HIVEP3: variants seen among roughly 807,000 people sequenced by gnomAD.
The protein encoded by HIVEP3 is transcription factor HIVEP3.
A neutral mutation model predicts 152.8 loss-of-function variants in HIVEP3; 49 were observed. The ratio of observed to expected loss-of-function variants is 0.32; its 90% CI spans 0.26 to 0.41. HIVEP3 has a LOEUF of 0.41. Ranked by LOEUF, HIVEP3 falls within the 10% of genes least tolerant of loss-of-function variation. HIVEP3 has a pLI of 1.00. For synonymous variants in HIVEP3, 1,269 were observed against 1,289.0 expected (o/e 0.98, Z 0.33); for missense variants, 2,790 against 3,103.3 (o/e 0.90, Z 2.40).
chr1:41,609,775 G>A (rs1167333698), intron 3 of HIVEP3, among the ~76,000 whole-genome samples: 1 of 152,216 alleles, frequency 6.6e-6, no homozygotes, highest in Non-Finnish European at 1.5e-5. Context: ...TTCCCTCCTA[G>A]ACATGTGGCA....
chr1:41,840,045 G>A (rs1643240906), intron 1 of HIVEP3, among the ~76,000 whole-genome samples: 1 of 152,096 alleles, frequency 6.6e-6, no homozygotes, highest in African/African-American at 2.4e-5. Context: ...CAGGAAGATC[G>A]ACTGCACAGT....
intron 1 of HIVEP3, among the ~76,000 whole-genome samples, chr1:41,883,696 A>G: frequency 6.6e-6 from 1 of 152,112 alleles, no homozygotes. Flanking sequence ...GCAGAATGTG[A>G]TAGCAAGTTG....
intron 5 of HIVEP3, among the ~76,000 whole-genome samples, chr1:41,530,214 T>TG (rs1643204360): frequency 1.3e-5 from 2 of 152,176 alleles, no homozygotes; most frequent in South Asian, 4.1e-4. Context: ...GTGTCCCCAG[T>TG]GGGGGTCACC....
intron 1 of HIVEP3, among the ~76,000 whole-genome samples, chr1:41,981,359 A>G (rs1645292562): frequency 6.6e-6 from 1 of 152,192 alleles, no homozygotes; most frequent in South Asian, 2.1e-4. Context: ...CGGAGCTGGG[A>G]AGCAAACGGG....
At position 41,958,186 on chromosome 1, in the gene HIVEP3, C is replaced by T. The variant is rs531682216; in HGVS notation, n.120-39662G>A. ...CGGCAGCTCCCGGCTGCAATACAAG[C>T]AGCCTTGCCATTTGGGCCACGTGAC... On this transcript the variant is annotated intron_variant and non_coding_transcript_variant, in intron 1 of 3. Coordinates refer to the HIVEP3 transcript ENST00000489103. Among the ~76,000 whole-genome samples, 5 of 152,326 alleles carry T rather than the reference C, an allele frequency of 3.3e-5. 1 individual carries two copies. The highest frequency in any genetic ancestry group is 9.6e-5 in the African/African-American group (4 of 41,582).
intron 1 of HIVEP3, among the ~76,000 whole-genome samples, chr1:41,965,048 C>A (rs1214479885): frequency 6.6e-6 from 1 of 152,228 alleles, no homozygotes; most frequent in Non-Finnish European, 1.5e-5. Flanking sequence ...TGGGATGGAG[C>A]TCCCAGGGGA....
At chr1:41,733,269 G>A (rs920816233) in intron 1 of HIVEP3, among the ~76,000 whole-genome samples, 6 of 152,200 alleles carry the variant, frequency 3.9e-5, no homozygotes, top group African/African-American at 1.4e-4. Flanking sequence ...GCAGAGCCAA[G>A]GGATGGGATG....
chr1:41,644,703 T>C (rs1041743156), intron 2 of HIVEP3, among the ~76,000 whole-genome samples: 2 of 146,344 alleles, frequency 1.4e-5, no homozygotes, highest in Admixed American at 6.8e-5. Flanking sequence ...CTTTTTTTTT[T>C]TTTTTTTTTT....
intron 3 of HIVEP3, 93 bp from the exon 4 acceptor site, chr1:41,585,411 C>T (rs1032947036): frequency 1.3e-5 from 5 of 398,430 alleles, no homozygotes; most frequent in African/African-American, 1.0e-4. Flanking sequence ...GCAGCCCAGA[C>T]TCGGTGCCAC....
rs1187825667 is a variant in HIVEP3, at chr1:41,662,267, C to T, written c.-720-33320G>A. On this transcript the variant is annotated intron_variant, in intron 2 of 8. Transcript: ENST00000372583. The surrounding 1 kb of genome is among the most constrained non-coding windows in gnomAD (Gnocchi z 7.2). ...TCGGCTCCGCCCGGCTCGGCTCCGCCCGGCGGTGCCCCAGGCGCTCGCTGG... is the reference window on the plus strand; with the variant it reads ...TCGGCTCCGCCCGGCTCGGCTCCGCTCGGCGGTGCCCCAGGCGCTCGCTGG... 2.7e-5 allele frequency: 4 copies of T among 145,828 alleles called. No homozygotes were observed. Among genetic ancestry groups the T allele is most frequent in the Admixed American group, 6.8e-5 (1 of 14,698 alleles). 9.0% of individuals were successfully genotyped at this position (145,828 alleles called of 1,614,324 possible).
At chr1:41,684,229 C>G (rs148202798) in intron 2 of HIVEP3, among the ~76,000 whole-genome samples, 261 of 152,266 alleles carry the variant, frequency 1.7e-3, no homozygotes, top group Middle Eastern at 3.4e-3. Context: ...GCGAGACAAG[C>G]AGCAGAGGAA....
At position 41,583,070 on chromosome 1, in the gene HIVEP3, G is replaced by C. The variant is rs1175019976; in HGVS notation, c.1728C>G (p.Ser576Arg). The change falls in exon 4 of 9, where the codon AGC becomes AGG. Residue 576 changes from serine (S) to arginine (R), a missense_variant. Transcript: ENST00000372583. The surrounding 1 kb of genome is among the most constrained non-coding windows in gnomAD (Gnocchi z 6.9). ...HITDSEALSH[S>R]SHVFTSHPRM... ...GGGGGTGGGAGGTAAACACGTGACT[G>C]CTGTGGCTCAGGGCTTCGGAGTCGG... The C allele has an allele frequency of 6.2e-7, 1 of 1,613,900 alleles. No homozygotes were observed. Among genetic ancestry groups the C allele is most frequent in the Non-Finnish European group, 8.5e-7 (1 of 1,179,906 alleles).
intron 1 of HIVEP3, among the ~76,000 whole-genome samples, chr1:41,782,731 CA>C (rs10714772): frequency 0.41 from 45,939 of 113,278 alleles, 7,806 homozygotes; most frequent in Admixed American, 0.52. Flanking sequence ...GACTCCATCT[CA>C]AAAAAAAAAA....
At chr1:41,576,943 G>A (rs1258136008) in intron 4 of HIVEP3, among the ~76,000 whole-genome samples, 2 of 152,206 alleles carry the variant, frequency 1.3e-5, no homozygotes, top group Non-Finnish European at 2.9e-5. Context: ...TGCTGCTTTG[G>A]CAGAAGGCAG....
chr1:41,862,815 T>C (rs1388300728), intron 1 of HIVEP3, among the ~76,000 whole-genome samples: 2 of 152,234 alleles, frequency 1.3e-5, no homozygotes, highest in African/African-American at 4.8e-5. Flanking sequence ...AAACAAGGGA[T>C]ATCATCACTG....
chr1:41,624,028 T>G (rs1645081973), intron 3 of HIVEP3, among the ~76,000 whole-genome samples: 1 of 152,204 alleles, frequency 6.6e-6, no homozygotes, highest in South Asian at 2.1e-4. Context: ...GGAGCTGAGT[T>G]TGCTCATCAA....
At chr1:41,585,983 T>A (rs1377684121) in intron 3 of HIVEP3, among the ~76,000 whole-genome samples, 1 of 152,204 alleles carries the variant, frequency 6.6e-6, no homozygotes, top group Non-Finnish European at 1.5e-5. Context: ...CCCCAGCCCA[T>A]GTTTGAAGAC....
intron 1 of HIVEP3, among the ~76,000 whole-genome samples, chr1:41,794,701 A>G (rs369332469): frequency 6.6e-6 from 1 of 152,226 alleles, no homozygotes; most frequent in South Asian, 2.1e-4. Context: ...TCTTATTACT[A>G]GGCAAACTAA....
intron 1 of HIVEP3, among the ~76,000 whole-genome samples, chr1:41,866,905 CTG>C (rs1259589486): frequency 6.6e-6 from 1 of 152,256 alleles, no homozygotes; most frequent in African/African-American, 2.4e-5. Context: ...TAAACCTTGA[CTG>C]TGTCTTAAGG....
Sources: gnomAD v4.1 joint callset for allele counts (sites outside exome capture counted in the v4.1 genomes callset) on GRCh38, gnomAD v4.1.1 for gene constraint, Gnocchi (gnomAD v3.1) non-coding constraint, MANE v1.5 for transcripts, NCBI Gene and HGNC (gene_info 2026-07-23, HGNC 2026-07-21) for gene names.